Variants in MFHAS1 observed in about 807,000 individuals in gnomAD.
MFHAS1 encodes the protein malignant fibrous histiocytoma-amplified sequence 1.
Under a neutral mutation model 70.4 loss-of-function variants are expected in MFHAS1, and 50 were observed. That is an observed-to-expected ratio of 0.71 (90% CI 0.57 to 0.90). MFHAS1 has a LOEUF of 0.90. MFHAS1 is among the 40% of genes least tolerant of loss of function. The pLI is 0.00. For missense variants in MFHAS1, 1,795 were observed against 1,347.6 expected, an observed-to-expected ratio of 1.33 and a Z score of -5.20; for synonymous variants, 952 against 620.0, an observed-to-expected ratio of 1.54 and a Z score of -7.96.
At chr8:8,877,533 G>C (rs948727832) in intron 1 of MFHAS1, among the ~76,000 whole-genome samples, 3 of 152,076 alleles carry the variant, frequency 2.0e-5, no homozygotes, top group East Asian at 1.9e-4. Context: ...ACATTCCTAG[G>C]GATTACAGAG....
chr8:8,814,849 C>CTTTTTTTTTTTTTTTT (rs34438669), intron 1 of MFHAS1, among the ~76,000 whole-genome samples: 1 of 130,430 alleles, frequency 7.7e-6, no homozygotes, highest in Non-Finnish European at 1.6e-5. Flanking sequence ...GCTAGAATTT[C>CTTTTTTTTTTTTTTTT]TTTTTTTTTT....
intron 1 of MFHAS1, among the ~76,000 whole-genome samples, chr8:8,826,247 A>AGTGT (rs112140342): frequency 0.047 from 6,908 of 147,416 alleles, 173 homozygotes; most frequent in Middle Eastern, 0.12. Flanking sequence ...AAACACAAAG[A>AGTGT]GTGTGTGTGT....
rs1805473637 is a variant in MFHAS1 at position 8,784,689 on chromosome 8, C to G, written c.*1333G>C. The G allele has an allele frequency of 1.3e-5, 2 of 152,176 alleles. No homozygotes were observed. The highest frequency in any genetic ancestry group is 2.9e-5 in the Non-Finnish European group (2 of 68,036). 9.4% of individuals were successfully genotyped at this position (152,176 alleles called of 1,614,324 possible). Reference sequence around the variant, plus strand: ...AGCAACTCACTCTTCTTGTCTGAGGCTGGCGAGAAGCAGTCAGTTTTATAC... The same window carrying G: ...AGCAACTCACTCTTCTTGTCTGAGGGTGGCGAGAAGCAGTCAGTTTTATAC... On this transcript the variant is annotated 3_prime_UTR_variant, in exon 3 of 3. Coordinates refer to ENST00000276282, the MANE Select transcript of MFHAS1 (RefSeq NM_004225.3).
Position 8,783,693 on chromosome 8 carries a change from G to A in MFHAS1, c.*2329C>T, listed in dbSNP as rs1259881921. On this transcript the variant is annotated 3_prime_UTR_variant, in exon 3 of 3. Transcript: ENST00000276282. The stretch of plus-strand genomic sequence containing the variant: ...TGGAGGGCATTTGTTTGAGAGGCAA[G>A]GGACGCCTTGCTTAGAAAACATTCC... 4 of 152,148 alleles carry A rather than the reference G, an allele frequency of 2.6e-5. No individual in the cohort carries two copies. Among genetic ancestry groups the A allele is most frequent in the Admixed American group, 1.3e-4 (2 of 15,276 alleles). 9.4% of individuals were successfully genotyped at this position (152,148 alleles called of 1,614,324 possible).
At chr8:8,840,128 C>T (rs773050524) in intron 1 of MFHAS1, among the ~76,000 whole-genome samples, 6 of 152,118 alleles carry the variant, frequency 3.9e-5, no homozygotes, top group African/African-American at 1.4e-4. Context: ...ACTGCCACTA[C>T]CTCATTATTA....
chr8:8,809,017 G>A (rs764612437), intron 1 of MFHAS1, among the ~76,000 whole-genome samples: 3 of 152,116 alleles, frequency 2.0e-5, no homozygotes, highest in Non-Finnish European at 4.4e-5. Context: ...TGTCAGATCA[G>A]GGCAGCATGA....
Position 8,784,773 on chromosome 8 carries a change from A to G in MFHAS1, c.*1249T>C, listed in dbSNP as rs912555041. 1 of 152,212 alleles carries G rather than the reference A, an allele frequency of 6.6e-6. No homozygotes were observed. Among genetic ancestry groups the G allele is most frequent in the South Asian group, 2.1e-4 (1 of 4,830 alleles). The allele number at this position is 152,212 out of a possible 1,614,324, so 9.4% of individuals were successfully genotyped here. On this transcript the variant is annotated 3_prime_UTR_variant, in exon 3 of 3. Transcript: ENST00000276282. The stretch of plus-strand genomic sequence containing the variant: ...AACAGAGTTTTTTACACTCTCCGAA[A>G]AACATGTTACTACTGTAGCATATGC...
intron 1 of MFHAS1, among the ~76,000 whole-genome samples, chr8:8,804,240 G>A (rs1806198575): frequency 6.6e-6 from 1 of 152,018 alleles, no homozygotes; most frequent in Non-Finnish European, 1.5e-5. Flanking sequence ...TCCTAGAACC[G>A]TTTTCATTTT....
chr8:8,858,141 A>G (rs1197623779), intron 1 of MFHAS1, among the ~76,000 whole-genome samples: 1 of 152,322 alleles, frequency 6.6e-6, no homozygotes, highest in East Asian at 1.9e-4. Flanking sequence ...ATTGGGACGG[A>G]GCACAGGGGG....
intron 1 of MFHAS1, among the ~76,000 whole-genome samples, chr8:8,872,162 A>C (rs1334587129): frequency 6.6e-6 from 1 of 152,238 alleles, no homozygotes; most frequent in Non-Finnish European, 1.5e-5. Flanking sequence ...GTGCACGGAT[A>C]TGAACAAAGC....
intron 1 of MFHAS1, among the ~76,000 whole-genome samples, chr8:8,815,457 G>A (rs1806706946): frequency 6.6e-6 from 1 of 152,160 alleles, no homozygotes; most frequent in Admixed American, 6.5e-5. Flanking sequence ...CTTCCACAAT[G>A]GTTGAACTAA....
At chr8:8,797,626 A>C in intron 1 of MFHAS1, 135 bp from the exon 2 acceptor site, 1 of 1,002,722 alleles carries the variant, frequency 1.0e-6, no homozygotes, top group Non-Finnish European at 1.4e-6. Flanking sequence ...GTGAGAACAA[A>C]TGTGCAACCA....
At chr8:8,889,013 A>G (rs1478209113) in intron 1 of MFHAS1, among the ~76,000 whole-genome samples, 5 of 130,342 alleles carry the variant, frequency 3.8e-5, no homozygotes, top group South Asian at 4.4e-4. Context: ...CTGCTCTAAG[A>G]AAAAAAAAAA....
At chr8:8,888,539 C>CAA (rs1236393017) in intron 1 of MFHAS1, among the ~76,000 whole-genome samples, 1 of 151,954 alleles carries the variant, frequency 6.6e-6, no homozygotes, top group Non-Finnish European at 1.5e-5. Context: ...CACACACACA[C>CAA]AAAAACAGTT....
intron 1 of MFHAS1, 147 bp downstream of exon 1, chr8:8,889,914 A>G (rs1809921690): frequency 1.5e-5 from 10 of 652,796 alleles, no homozygotes; most frequent in Non-Finnish European, 2.6e-5. Flanking sequence ...CCTTTTGCTC[A>G]TCTCCAAATC....
intron 1 of MFHAS1, among the ~76,000 whole-genome samples, chr8:8,888,517 AACAC>A (rs113065905): frequency 3.1e-4 from 47 of 150,560 alleles, no homozygotes; most frequent in African/African-American, 9.5e-4. Context: ...CAAAAAACAA[AACAC>A]ACACACACAC....
In MFHAS1 at chr8:8,891,254, T is replaced by C. The variant is rs892311411; in HGVS notation, c.1805A>G (p.Asn602Ser). The stretch of plus-strand genomic sequence containing the variant: ...AAAATGGGCCTTGCGCCGTCGAAGG[T>C]TCTTGTCCGAAACGCCATAGTAGGC... Reference protein sequence around the residue: ...HAAYYGVSDKNLRRRKAHFQY... With the variant: ...HAAYYGVSDKSLRRRKAHFQY... The change falls in exon 1 of 3, where the codon AAC becomes AGC. Residue 602 changes from asparagine to serine, a missense_variant. By Grantham distance (46) the Asn-to-Ser change is conservative. Transcript: ENST00000276282. This position sits in a 1 kb window ranked among gnomAD's most constrained non-coding sequence, Gnocchi z 5.4. 7 of 1,612,118 alleles carry C rather than the reference T, an allele frequency of 4.3e-6. No homozygotes were observed. Among genetic ancestry groups the C allele is most frequent in the Non-Finnish European group, 5.9e-6 (7 of 1,179,990 alleles).
rs756071307 is a variant in MFHAS1, at chr8:8,822,615, G to T, written c.2999-25124C>A. On this transcript the variant is annotated intron_variant, in intron 1 of 2. Coordinates refer to ENST00000276282, the MANE Select transcript of MFHAS1 (RefSeq NM_004225.3). ...ATCAGGGGGAATGAGATGGAGACAG[G>T]GACCCAAGTCAGGGGGACTGAGATG... Among the ~76,000 whole-genome samples the T allele has an allele frequency of 4.0e-5, 6 of 149,888 alleles. 1 individual carries two copies. Among genetic ancestry groups the T allele is most frequent in the Admixed American group, 1.3e-4 (2 of 15,110 alleles).
chr8:8,815,486 G>C (rs1323206541), intron 1 of MFHAS1, among the ~76,000 whole-genome samples: 1 of 152,184 alleles, frequency 6.6e-6, no homozygotes, highest in South Asian at 2.1e-4. Context: ...CCCACCAACA[G>C]TGTAAAAGCA....
Sources: allele counts gnomAD v4.1 joint callset (sites outside exome capture counted in the v4.1 genomes callset), GRCh38; gene constraint gnomAD v4.1.1; non-coding constraint Gnocchi (gnomAD v3.1); transcripts MANE v1.5; gene names NCBI Gene and HGNC (gene_info 2026-07-23, HGNC 2026-07-21).